Variants in ADAM18 observed in about 807,000 individuals in gnomAD.
The protein encoded by ADAM18 is disintegrin and metalloproteinase domain-containing protein 18.
A neutral mutation model predicts 94.4 loss-of-function variants in ADAM18; 117 were observed. The observed-to-expected ratio is 1.24, with a 90% CI of 1.07 to 1.45. ADAM18 has a LOEUF of 1.45. Ranked by LOEUF, ADAM18 falls within the 40% of genes most tolerant of loss-of-function variation. The probability of loss-of-function intolerance (pLI) is 0.00; values close to 1 mark genes in which losing one functional copy is unlikely to be tolerated. For synonymous variants in ADAM18, 327 were observed against 291.6 expected (o/e 1.12, Z -1.24); for missense variants, 936 against 880.0 (o/e 1.06, Z -0.81).
chr8:39,723,959 C>G (rs758354112), intron 19 of ADAM18, 52 bp downstream of exon 19: 1 of 1,119,382 alleles, frequency 8.9e-7, no homozygotes, highest in South Asian at 2.8e-5. Flanking sequence ...TAGTCATTAA[C>G]CAGTGTCATG....
intron 18 of ADAM18, among the ~76,000 whole-genome samples, chr8:39,714,439 A>G (rs1297554228): frequency 6.6e-6 from 1 of 152,162 alleles, no homozygotes; most frequent in Non-Finnish European, 1.5e-5. Context: ...AAAGTATAGT[A>G]ACAATAAAAA....
chr8:39,668,844 A>AGGT, intron 14 of ADAM18, among the ~76,000 whole-genome samples: 1 of 152,216 alleles, frequency 6.6e-6, no homozygotes, highest in South Asian at 2.1e-4. Flanking sequence ...AGTTGAGTAA[A>AGGT]GGTGGTTTAT....
intron 6 of ADAM18, among the ~76,000 whole-genome samples, chr8:39,615,404 A>G (rs1413578385): frequency 6.6e-6 from 1 of 152,178 alleles, no homozygotes; most frequent in Non-Finnish European, 1.5e-5. Context: ...CTTTTAAACC[A>G]ATGAAAACAA....
intron 2 of ADAM18, among the ~76,000 whole-genome samples, chr8:39,592,926 T>C (rs113860600): frequency 9.9e-5 from 15 of 152,100 alleles, no homozygotes; most frequent in African/African-American, 3.4e-4. Flanking sequence ...GAAGGCTGTT[T>C]TATCTACACT....
intron 2 of ADAM18, among the ~76,000 whole-genome samples, chr8:39,593,559 TAGAAG>T (rs1166699929): frequency 6.6e-6 from 1 of 151,912 alleles, no homozygotes; most frequent in Non-Finnish European, 1.5e-5. Context: ...TGTAGACCAA[TAGAAG>T]AGAACAGAGA....
intron 6 of ADAM18, among the ~76,000 whole-genome samples, chr8:39,622,866 A>G (rs1819653229): frequency 6.6e-6 from 1 of 152,124 alleles, no homozygotes; most frequent in Non-Finnish European, 1.5e-5. Context: ...ACCAGTCTGT[A>G]TATATTTATA....
chr8:39,705,771 C>T (rs549721597), intron 17 of ADAM18, among the ~76,000 whole-genome samples: 84 of 152,036 alleles, frequency 5.5e-4, no homozygotes, highest in Admixed American at 8.5e-4. Context: ...TGAGTATAAA[C>T]GGAAAGGACA....
intron 13 of ADAM18, among the ~76,000 whole-genome samples, chr8:39,666,067 T>A (rs1326547910): frequency 6.6e-6 from 1 of 152,206 alleles, no homozygotes; most frequent in Non-Finnish European, 1.5e-5. Context: ...AGACAGGGTC[T>A]GGCTCTGCTG....
At chr8:39,707,122 T>C (rs978051561) in intron 18 of ADAM18, among the ~76,000 whole-genome samples, 10 of 152,338 alleles carry the variant, frequency 6.6e-5, no homozygotes, top group Non-Finnish European at 8.8e-5. Context: ...TACATATCTA[T>C]GATAAAGATC....
At chr8:39,611,445 T>C (rs1174597592) in intron 6 of ADAM18, 1 of 984,740 alleles carries the variant, frequency 1.0e-6, no homozygotes, top group Admixed American at 6.2e-5. Context: ...CCCATGAAGC[T>C]ATGAAACCAA....
Position 39,723,786 on chromosome 8 carries a change from A to G in ADAM18, c.2056A>G (p.Asn686Asp). 6.3e-7 allele frequency: 1 copy of G among 1,581,924 alleles called. No individual in the cohort carries two copies. The highest frequency in any genetic ancestry group is 8.6e-7 in the Non-Finnish European group (1 of 1,164,962). The change falls in exon 19 of 20, where the codon AAC becomes GAC. Residue 686 changes from asparagine (N) to aspartate (D), a missense_variant. Coordinates refer to ENST00000265707, the MANE Select transcript of ADAM18 (RefSeq NM_014237.3). ...TGAAAAAGGCTACAATACACACTGG[A>G]ACAACTGGTTTATTCTGAGTTTCTG... The part of the protein sequence containing the change: ...YTEKGYNTHW[N>D]NWFILSFCIF...
intron 13 of ADAM18, among the ~76,000 whole-genome samples, chr8:39,665,567 T>G (rs982258000): frequency 6.6e-6 from 1 of 152,236 alleles, no homozygotes; most frequent in South Asian, 2.1e-4. Flanking sequence ...CAGACACTTA[T>G]GAGACTTACG....
chr8:39,689,448 A>G (rs1217497046), intron 16 of ADAM18, among the ~76,000 whole-genome samples: 1 of 152,160 alleles, frequency 6.6e-6, no homozygotes, highest in East Asian at 1.9e-4. Context: ...TATTGAATAG[A>G]ATATCCTTTG....
intron 17 of ADAM18, among the ~76,000 whole-genome samples, chr8:39,699,692 AGTGTGCCACAAG>A (rs1356129561): frequency 6.6e-6 from 1 of 152,156 alleles, no homozygotes; most frequent in African/African-American, 2.4e-5. Flanking sequence ...ATTGAATACA[AGTGTGCCACAAG>A]GTATTGAGTC....
At chr8:39,613,409 G>A (rs1041574834) in intron 6 of ADAM18, among the ~76,000 whole-genome samples, 7 of 152,188 alleles carry the variant, frequency 4.6e-5, no homozygotes, top group Admixed American at 6.5e-5. Context: ...AAACAAAGTC[G>A]GTTGACTGAA....
chr8:39,676,803 T>C (rs1188086732), intron 14 of ADAM18, among the ~76,000 whole-genome samples: 1 of 152,182 alleles, frequency 6.6e-6, no homozygotes, highest in African/African-American at 2.4e-5. Context: ...CTATTCCTAT[T>C]TGAAAAGAAG....
chr8:39,699,797 A>G (rs981809825), intron 17 of ADAM18, among the ~76,000 whole-genome samples: 5 of 152,288 alleles, frequency 3.3e-5, no homozygotes, highest in Middle Eastern at 6.8e-3. Context: ...GCAGAGCAGA[A>G]TGTGATAATG....
intron 19 of ADAM18, among the ~76,000 whole-genome samples, chr8:39,727,844 C>T (rs1822960248): frequency 6.6e-6 from 1 of 152,054 alleles, no homozygotes. Context: ...ACTGCTAGTA[C>T]AAATTTTCTA....
intron 2 of ADAM18, among the ~76,000 whole-genome samples, chr8:39,588,623 T>C (rs556988960): frequency 2.8e-5 from 4 of 142,832 alleles, no homozygotes; most frequent in South Asian, 4.5e-4. Flanking sequence ...AGTGCCATTG[T>C]TGGTTCAACA....
Sources: gnomAD v4.1 joint callset for allele counts (sites outside exome capture counted in the v4.1 genomes callset) on GRCh38, gnomAD v4.1.1 for gene constraint, MANE v1.5 for transcripts, NCBI Gene and HGNC (gene_info 2026-07-23, HGNC 2026-07-21) for gene names.